The following CCDC38 variants were observed in gnomAD, a reference collection of about 807,000 sequenced individuals.
CCDC38 encodes the protein coiled-coil domain containing 38.
In CCDC38, 69 loss-of-function variants were observed where a neutral mutation model predicts 72.8. The observed-to-expected ratio is 0.95, with a 90% CI of 0.78 to 1.16. The LOEUF (loss-of-function observed/expected upper bound fraction) is 1.16, where lower values mean the gene tolerates loss of function less well. Among genes scored for constraint, CCDC38 ranks in the 50% most tolerant of loss-of-function variants. The pLI, the probability that CCDC38 is intolerant of heterozygous loss-of-function variation, is 0.00. For synonymous variants in CCDC38, 201 were observed against 213.2 expected (o/e 0.94, Z 0.50); for missense variants, 626 against 638.9 (o/e 0.98, Z 0.22).
At chr12:95,936,212 T>C (rs1347664783) in intron 2 of CCDC38, among the ~76,000 whole-genome samples, 2 of 152,204 alleles carry the variant, frequency 1.3e-5, no homozygotes, top group Non-Finnish European at 2.9e-5. Context: ...TCCTTGACTA[T>C]GACAAATAAT....
In CCDC38 at chr12:95,917,023, T is replaced by C. The variant is rs960665176; in HGVS notation, c.304+106A>G. 35 of 764,522 alleles carry C rather than the reference T, an allele frequency of 4.6e-5. No individual in the cohort carries two copies. The East Asian group carries it at 8.5e-4, about 19-fold the overall frequency. 47.4% of individuals were successfully genotyped at this position (764,522 alleles called of 1,614,324 possible). ...CATGTACTAAGACTCCCTACCATTA[T>C]AAGAGAGCATACTGTCTGTTTTAAT... On this transcript the variant is annotated intron_variant, in intron 4 of 15. Coordinates refer to ENST00000344280, the MANE Select transcript of CCDC38 (RefSeq NM_182496.3).
chr12:95,926,717 G>A (rs970504368), intron 2 of CCDC38, among the ~76,000 whole-genome samples: 14 of 151,284 alleles, frequency 9.3e-5, no homozygotes, highest in African/African-American at 2.2e-4. Context: ...CTTTGGATGC[G>A]TCCCAGAGAT....
chr12:95,936,801 C>T (rs2136746872), intron 1 of CCDC38, among the ~76,000 whole-genome samples: 1 of 152,274 alleles, frequency 6.6e-6, no homozygotes, highest in African/African-American at 2.4e-5. Context: ...AAATAAATTC[C>T]AGTTGGCCCT....
At chr12:95,927,153 C>T (rs2136733037) in intron 2 of CCDC38, among the ~76,000 whole-genome samples, 1 of 152,160 alleles carries the variant, frequency 6.6e-6, no homozygotes, top group African/African-American at 2.4e-5. Context: ...GTTAAAGTCT[C>T]CCATTATTAA....
chr12:95,916,379 G>GCCTGCCTTCCTTCCTTCCTT lies in CCDC38; in HGVS notation c.304+749_304+750insAAGGAAGGAAGGAAGGCAGG, dbSNP rs1457231674. 4.2e-3 allele frequency among the ~76,000 whole-genome samples: 624 copies of GCCTGCCTTCCTTCCTTCCTT among 147,432 alleles called. 5 individuals carry two copies. The highest frequency in any genetic ancestry group is 7.6e-3 in the Non-Finnish European group (507 of 66,632). On this transcript the variant is annotated intron_variant, in intron 4 of 15. Coordinates refer to ENST00000344280, the MANE Select transcript of CCDC38 (RefSeq NM_182496.3). ...GAAAATTTTTTTAAGTTGCCTGCCT[G>GCCTGCCTTCCTTCCTTCCTT]CCTTCCTTCCTTCCTTCCTTCCTTC...
intron 15 of CCDC38, 74 bp from the exon 16 acceptor site, chr12:95,867,263 C>T: frequency 1.3e-6 from 1 of 772,032 alleles, no homozygotes; most frequent in East Asian, 2.5e-5. Context: ...TGTGAAATAC[C>T]AATATTAACT....
chr12:95,872,399 T>A lies in CCDC38; in HGVS notation c.1340A>T (p.Asp447Val). 2 of 1,614,174 alleles carry A rather than the reference T, an allele frequency of 1.2e-6. No individual in the cohort carries two copies. The highest frequency in any genetic ancestry group is 1.7e-6 in the Non-Finnish European group (2 of 1,180,012). ...TGGGTTGAGGCCGTCATCCTCAGCA[T>A]CTCCAATGCAGACTTTGTATACTTG... ...ITQVYKVCIG[D>V]AEDDGLNPIQ... The change falls in exon 14 of 16, where the codon GAT (aspartate) becomes GTT (valine). Residue 447 changes from aspartate (D) to valine (V), a missense_variant. Physicochemically the swap from Asp to Val is radical, Grantham distance 152. Transcript: ENST00000344280.
At chr12:95,937,731 G>A (rs1345796629) in intron 1 of CCDC38, among the ~76,000 whole-genome samples, 2 of 152,182 alleles carry the variant, frequency 1.3e-5, no homozygotes, top group African/African-American at 4.8e-5. Context: ...GGACAAGCCT[G>A]ATTTTTGAAT....
Position 95,872,346 on chromosome 12 carries a change from G to A in CCDC38, c.1393C>T (p.Arg465Cys), listed in dbSNP as rs762142680. The A allele has an allele frequency of 2.9e-5, 46 of 1,614,010 alleles. No homozygotes were observed. The highest frequency in any genetic ancestry group is 6.7e-5 in the East Asian group (3 of 44,890). Residue 465 changes from arginine (R) to cysteine (C), a missense_variant, in exon 14 of 16, where the codon CGC (arginine) becomes TGC (cysteine). By Grantham distance (180) the Arg-to-Cys change is radical. Coordinates refer to ENST00000344280, the MANE Select transcript of CCDC38 (RefSeq NM_182496.3). ...ATGAGGTCACACAGTTCTACCAGGCGAGATTCTACTTTTACCAGCTTTTGA... is the reference window on the plus strand; with the variant it reads ...ATGAGGTCACACAGTTCTACCAGGCAAGATTCTACTTTTACCAGCTTTTGA... ...PIQKLVKVES[R>C]LVELCDLIES...
chr12:95,910,942 T>C (rs75969765), intron 4 of CCDC38, among the ~76,000 whole-genome samples: 4,353 of 152,246 alleles, frequency 0.029, 76 homozygotes, highest in Non-Finnish European at 0.032. Context: ...AAAGCAATCC[T>C]ACGCAAAAAG....
intron 10 of CCDC38, among the ~76,000 whole-genome samples, chr12:95,886,087 G>C (rs2079755953): frequency 6.6e-6 from 1 of 151,790 alleles, no homozygotes; most frequent in Admixed American, 6.6e-5. Context: ...AAAACTAATA[G>C]CTACAGTAGT....
At chr12:95,940,293 T>C (rs1181480446) in intron 1 of CCDC38, among the ~76,000 whole-genome samples, 2 of 152,172 alleles carry the variant, frequency 1.3e-5, no homozygotes, top group Admixed American at 1.3e-4. Context: ...ATCAGCTTCA[T>C]GTAGAGTCTT....
chr12:95,902,891 G>A (rs998284154), intron 5 of CCDC38, among the ~76,000 whole-genome samples: 9 of 152,056 alleles, frequency 5.9e-5, no homozygotes, highest in Non-Finnish European at 4.4e-5. Flanking sequence ...AAAAAATTTA[G>A]AATCAGCCTT....
chr12:95,885,686 C>T (rs1473511456), intron 10 of CCDC38: 2 of 153,260 alleles, frequency 1.3e-5, no homozygotes, highest in African/African-American at 4.8e-5. Context: ...AAAGATATCA[C>T]TCAAAACATA....
chr12:95,914,736 A>G (rs1255038143), intron 4 of CCDC38, among the ~76,000 whole-genome samples: 2 of 152,118 alleles, frequency 1.3e-5, no homozygotes, highest in African/African-American at 4.8e-5. Context: ...TAAGGATCCT[A>G]AAGTCTCTTT....
intron 8 of CCDC38, among the ~76,000 whole-genome samples, chr12:95,893,412 TC>T (rs2079850444): frequency 1.1e-4 from 1 of 9,134 alleles, no homozygotes; most frequent in South Asian, 4.3e-3. Context: ...CTTCCTTCCC[TC>T]CCTCCCTCCC....
chr12:95,918,801 A>G (rs2080172803), intron 3 of CCDC38, 75 bp downstream of exon 3: 6 of 996,344 alleles, frequency 6.0e-6, no homozygotes, highest in Non-Finnish European at 9.4e-6. Flanking sequence ...TCAGCCCAGC[A>G]AAGTTCATAA....
At position 95,893,422 on chromosome 12, in the gene CCDC38, C is replaced by T. The variant is rs1015828837; in HGVS notation, c.772+1567G>A. 2.9e-4 allele frequency among the ~76,000 whole-genome samples: 30 copies of T among 105,120 alleles called. 1 individual carries two copies. Among genetic ancestry groups the T allele is most frequent in the Non-Finnish European group, 3.0e-4 (16 of 53,710 alleles). The allele number at this position is 105,120 out of a possible 152,430, so 69.0% of individuals were successfully genotyped here. The stretch of plus-strand genomic sequence containing the variant: ...CTTATCTTCCTTCCCTCCCTCCCTC[C>T]CTCCCTCCCTCCCTCCCTCCCTTCC... On this transcript the variant is annotated intron_variant, in intron 8 of 15. Coordinates refer to ENST00000344280, the MANE Select transcript of CCDC38 (RefSeq NM_182496.3).
At chr12:95,896,718 C>CCCGT (rs1438492187) in intron 7 of CCDC38, 1 of 152,218 alleles carries the variant, frequency 6.6e-6, no homozygotes, top group Non-Finnish European at 1.5e-5. Context: ...TCCAGCCCTA[C>CCCGT]CCGTAGAGGA....
Sources: gnomAD v4.1 joint callset for allele counts (sites outside exome capture counted in the v4.1 genomes callset) on GRCh38, gnomAD v4.1.1 for gene constraint, MANE v1.5 for transcripts, NCBI Gene and HGNC (gene_info 2026-07-23, HGNC 2026-07-21) for gene names.